The following RASSF9 variants were observed in gnomAD, a reference collection of about 807,000 sequenced individuals.
RASSF9 encodes Ras association domain family member 9, also known as ras association domain-containing protein 9.
In RASSF9, 18 loss-of-function variants were observed where a neutral mutation model predicts 21.4. The ratio of observed to expected loss-of-function variants is 0.84; its 90% confidence interval spans 0.58 to 1.25. The LOEUF (loss-of-function observed/expected upper bound fraction) is 1.25, where lower values mean the gene tolerates loss of function less well. Ranked by LOEUF, RASSF9 falls within the 50% of genes most tolerant of loss-of-function variation. RASSF9 has a pLI of 0.00. For synonymous variants in RASSF9, 183 were observed against 179.1 expected (o/e 1.02, Z -0.18); for missense variants, 480 against 503.2 (o/e 0.95, Z 0.44).
In RASSF9 at chr12:85,805,879, G is replaced by A. The variant is rs201749925; in HGVS notation, c.131C>T (p.Thr44Ile). 1,100 of 1,613,958 alleles carry A rather than the reference G, an allele frequency of 6.8e-4. No homozygotes were observed. The highest frequency in any genetic ancestry group is 8.8e-4 in the Non-Finnish European group (1,041 of 1,179,870). The change falls in exon 2 of 2, where the codon ACT (threonine) becomes ATT (isoleucine). Residue 44 changes from threonine to isoleucine, a missense_variant. Transcript: ENST00000361228. Reference sequence around the variant, plus strand: ...GACATCAGCAGAGGTGGTGCGTTTAGTCAGCCCACAGACAAGCTTCTCTTC... The same window carrying A: ...GACATCAGCAGAGGTGGTGCGTTTAATCAGCCCACAGACAAGCTTCTCTTC... ...CQEEKLVCGL[T>I]KRTTSADVIQ...
In RASSF9 at chr12:85,836,322, TC is replaced by T; in HGVS notation, c.-122del. The T allele has an allele frequency of 6.6e-7, 1 of 1,524,900 alleles. No individual in the cohort carries two copies. Among genetic ancestry groups the T allele is most frequent in the Non-Finnish European group, 8.8e-7 (1 of 1,135,448 alleles). 94.5% of individuals were successfully genotyped at this position (1,524,900 alleles called of 1,614,324 possible). On this transcript the variant is annotated 5_prime_UTR_variant, in exon 1 of 2. Transcript: ENST00000361228. ...GAAGCTTTCTCTTCTCCTCGGATGT[TC>T]CTGGCTTTCAGCTCATTAGTAGCCG...
At chr12:85,828,880 A>C (rs1254208779) in intron 1 of RASSF9, among the ~76,000 whole-genome samples, 2 of 152,276 alleles carry the variant, frequency 1.3e-5, no homozygotes, top group East Asian at 3.9e-4. Flanking sequence ...ATGAGAAGGT[A>C]GTTATTACAT....
At chr12:85,823,467 T>A (rs1213895205) in intron 1 of RASSF9, among the ~76,000 whole-genome samples, 1 of 152,178 alleles carries the variant, frequency 6.6e-6, no homozygotes, top group Non-Finnish European at 1.5e-5. Context: ...GCACCTTGCT[T>A]CTTCCACATA....
chr12:85,812,198 A>C lies in RASSF9; in HGVS notation c.48-6236T>G, dbSNP rs1415071819. Among the ~76,000 whole-genome samples the C allele has an allele frequency of 2.6e-5, 4 of 151,754 alleles. No individual in the cohort carries two copies. In the East Asian group the frequency reaches 7.7e-4, roughly 29 times the overall value. On this transcript the variant is annotated intron_variant, in intron 1 of 1. Coordinates refer to ENST00000361228, the MANE Select transcript of RASSF9 (RefSeq NM_005447.4). ...TATATGCACATATTATGCTACAACT[A>C]TATGTAGTATACATTTATGAAATTT...
At chr12:85,817,968 C>T (rs1027908164) in intron 1 of RASSF9, among the ~76,000 whole-genome samples, 1 of 152,074 alleles carries the variant, frequency 6.6e-6, no homozygotes, top group African/African-American at 2.4e-5. Context: ...TCACAACTTC[C>T]ACAACCCTTT....
At chr12:85,826,626 T>C (rs1484980881) in intron 1 of RASSF9, among the ~76,000 whole-genome samples, 7,356 of 151,326 alleles carry the variant, frequency 0.049, 373 homozygotes, top group African/African-American at 0.13. Context: ...TTTTTGTATT[T>C]TTAGTAGAGT....
rs1880425067 is a variant in RASSF9, at chr12:85,830,418, T to G, written c.47+5737A>C. On this transcript the variant is annotated intron_variant, in intron 1 of 1. Coordinates refer to ENST00000361228, the MANE Select transcript of RASSF9 (RefSeq NM_005447.4). ...TACCCATGTATCCACTTAACATAAA[T>G]GCACTACTGATCAGCTGTATTTTAA... Among the ~76,000 whole-genome samples the G allele has an allele frequency of 2.0e-5, 3 of 152,134 alleles. No individual in the cohort carries two copies. In the South Asian group the frequency reaches 6.2e-4, roughly 31 times the overall value.
At chr12:85,818,975 A>AG (rs2136557332) in intron 1 of RASSF9, among the ~76,000 whole-genome samples, 1 of 151,394 alleles carries the variant, frequency 6.6e-6, no homozygotes, top group East Asian at 1.9e-4. Context: ...AAAAAAAAAA[A>AG]AAAAAGGAAC....
rs1879793752 is a variant in RASSF9 at position 85,805,208 on chromosome 12, G to T, written c.802C>A (p.Gln268Lys). Reference sequence around the variant, plus strand: ...TAATATTTCAGTCGTTCTTCCAGCTGTTCAATTCCATCACTTTCGCTCAGG... The same window carrying T: ...TAATATTTCAGTCGTTCTTCCAGCTTTTCAATTCCATCACTTTCGCTCAGG... Reference protein sequence around the residue: ...EDLSESDGIEQLEERLKYYRI... With the variant: ...EDLSESDGIEKLEERLKYYRI... Residue 268 changes from glutamine to lysine, a missense_variant, in exon 2 of 2, where the codon CAG becomes AAG. Coordinates refer to ENST00000361228, the MANE Select transcript of RASSF9 (RefSeq NM_005447.4). 1 of 1,613,694 alleles carries T rather than the reference G, an allele frequency of 6.2e-7. No individual in the cohort carries two copies. Among genetic ancestry groups the T allele is most frequent in the Admixed American group, 1.7e-5 (1 of 59,992 alleles).
intron 1 of RASSF9, among the ~76,000 whole-genome samples, chr12:85,806,383 A>G (rs1879835574): frequency 6.7e-6 from 1 of 148,976 alleles, no homozygotes; most frequent in Non-Finnish European, 1.5e-5. Context: ...AATAAGAGTC[A>G]GAAGATTGGC....
At chr12:85,834,435 C>T (rs994407059) in intron 1 of RASSF9, among the ~76,000 whole-genome samples, 13 of 151,944 alleles carry the variant, frequency 8.6e-5, no homozygotes, top group African/African-American at 2.9e-4. Flanking sequence ...CTCACCTCCT[C>T]GAAAGAAAGC....
intron 1 of RASSF9, among the ~76,000 whole-genome samples, chr12:85,833,270 G>A (rs192685509): frequency 2.4e-4 from 36 of 151,838 alleles, no homozygotes; most frequent in African/African-American, 8.7e-4. Context: ...AAAATAATTA[G>A]TATATTTATG....
chr12:85,816,399 TGCTGTA>T (rs1459790700), intron 1 of RASSF9, among the ~76,000 whole-genome samples: 1 of 152,142 alleles, frequency 6.6e-6, no homozygotes, highest in Non-Finnish European at 1.5e-5. Flanking sequence ...ATGTTTTTCA[TGCTGTA>T]GAGGGTAAAT....
At chr12:85,821,245 A>G (rs979332472) in intron 1 of RASSF9, among the ~76,000 whole-genome samples, 1 of 152,230 alleles carries the variant, frequency 6.6e-6, no homozygotes, top group African/African-American at 2.4e-5. Flanking sequence ...AAATGAAGGC[A>G]TTTTAGGTAA....
intron 1 of RASSF9, among the ~76,000 whole-genome samples, chr12:85,807,565 G>A (rs1485566847): frequency 6.6e-6 from 1 of 152,014 alleles, no homozygotes. Context: ...CTGGACTAGA[G>A]TTTTAACAGT....
intron 1 of RASSF9, among the ~76,000 whole-genome samples, chr12:85,813,909 CTCTT>C (rs1880007587): frequency 6.6e-6 from 1 of 151,898 alleles, no homozygotes; most frequent in Non-Finnish European, 1.5e-5. Flanking sequence ...TATGAAATAA[CTCTT>C]TATTTCCTAG....
chr12:85,812,681 G>A (rs1460899247), intron 1 of RASSF9, among the ~76,000 whole-genome samples: 4 of 151,250 alleles, frequency 2.6e-5, no homozygotes, highest in Non-Finnish European at 4.4e-5. Context: ...AATAGAACTG[G>A]AAAATTGTGG....
At position 85,804,472 on chromosome 12, in the gene RASSF9, C is replaced by T; in HGVS notation, c.*230G>A. On this transcript the variant is annotated 3_prime_UTR_variant, in exon 2 of 2. Transcript: ENST00000361228. ...AAATTATTTCTGTGTTCTACAACGA[C>T]AAGCTATTTGTGCTGCATTCGTGAT... The T allele has an allele frequency of 4.7e-6, 2 of 423,926 alleles. No homozygotes were observed. The highest frequency in any genetic ancestry group is 6.4e-5 in the South Asian group (1 of 15,530). The allele number at this position is 423,926 out of a possible 1,614,324, so 26.3% of individuals were successfully genotyped here. A position where few individuals can be genotyped will look rare whatever the true frequency, so the allele number is the denominator to read the frequency against.
rs368686948 is a variant in RASSF9 at position 85,804,865 on chromosome 12, G to A, written c.1145C>T (p.Ala382Val). ...GCTACTGGGAACCTCAGATTCCTTC[G>A]CTCTGTTTTCCTTTAACTGGCACCC... ...KDGCQLKENR[A>V]KESEVPSSNG... The change falls in exon 2 of 2, where the codon GCG becomes GTG. Residue 382 changes from alanine to valine, a missense_variant. Coordinates refer to ENST00000361228, the MANE Select transcript of RASSF9 (RefSeq NM_005447.4). 14 of 1,613,420 alleles carry A rather than the reference G, an allele frequency of 8.7e-6. No homozygotes were observed. The highest frequency in any genetic ancestry group is 5.0e-5 in the Admixed American group (3 of 60,002).
Sources: allele counts gnomAD v4.1 joint callset (sites outside exome capture counted in the v4.1 genomes callset), GRCh38; gene constraint gnomAD v4.1.1; transcripts MANE v1.5; gene names NCBI Gene and HGNC (gene_info 2026-07-23, HGNC 2026-07-21).